The following CSMD3 variants were observed in gnomAD, a reference collection of about 807,000 sequenced individuals.
The protein encoded by CSMD3 is CUB and Sushi multiple domains 3.
In CSMD3, 177 loss-of-function variants were observed where a neutral mutation model predicts 435.2. The ratio of observed to expected loss-of-function variants is 0.41; its 90% CI spans 0.36 to 0.46. CSMD3 has a LOEUF of 0.46. Among genes scored for constraint, CSMD3 ranks in the 20% least tolerant of loss-of-function variants. CSMD3 has a pLI of 0.34. For synonymous variants in CSMD3, 1,656 were observed against 1,520.5 expected (o/e 1.09, Z -2.07); for missense variants, 4,265 against 4,504.6 (o/e 0.95, Z 1.52).
intron 32 of CSMD3, among the ~76,000 whole-genome samples, chr8:112,445,125 C>A (rs1399962692): frequency 6.6e-6 from 1 of 151,990 alleles, no homozygotes; most frequent in African/African-American, 2.4e-5. Context: ...TGCCTGTAAT[C>A]CCAGCTACTC....
rs867015314 is a variant in CSMD3, at chr8:113,055,641, G to A, written c.918-36462C>T. On this transcript the variant is annotated intron_variant, in intron 5 of 70. Transcript: ENST00000297405. ...ATGTTAAAATCATTTTCTACATTCTGGTTTACTGCAAAAACAGAAAATATT... is the reference window on the plus strand; with the variant it reads ...ATGTTAAAATCATTTTCTACATTCTAGTTTACTGCAAAAACAGAAAATATT... Among the ~76,000 whole-genome samples, 6 of 152,138 alleles carry A rather than the reference G, an allele frequency of 3.9e-5. No individual in the cohort carries two copies. The South Asian group carries it at 1.2e-3, about 32-fold the overall frequency.
rs191141408 is a variant in CSMD3 at position 113,172,650 on chromosome 8, A to G, written c.709+1072T>C. Among the ~76,000 whole-genome samples the G allele has an allele frequency of 2.0e-5, 3 of 152,338 alleles. 1 individual carries two copies. The highest frequency in any genetic ancestry group is 1.9e-4 in the East Asian group (1 of 5,188). On this transcript the variant is annotated intron_variant, in intron 4 of 70. Coordinates refer to ENST00000297405, the MANE Select transcript of CSMD3 (RefSeq NM_198123.2). ...AACTGATTTTCCTGAGGTAACTCAC[A>G]TGGCAATTGACAAAGCTGGGATAAG...
At chr8:112,469,052 G>A (rs531555823) in intron 32 of CSMD3, among the ~76,000 whole-genome samples, 5 of 149,222 alleles carry the variant, frequency 3.4e-5, no homozygotes, top group South Asian at 4.2e-4. Flanking sequence ...CCAGTAAAGC[G>A]AAGTAATATT....
At chr8:112,838,819 T>C (rs112043132) in intron 11 of CSMD3, among the ~76,000 whole-genome samples, 4,915 of 151,828 alleles carry the variant, frequency 0.032, 100 homozygotes, top group African/African-American at 0.049. Context: ...GTTTAAGTAA[T>C]AATCATCCTA....
chr8:112,948,881 A>C (rs1219173918), intron 8 of CSMD3, among the ~76,000 whole-genome samples: 1 of 152,106 alleles, frequency 6.6e-6, no homozygotes, highest in East Asian at 1.9e-4. Flanking sequence ...AATCTATGGT[A>C]GGACTCTGGC....
At chr8:113,421,259 A>G (rs2094607571) in intron 1 of CSMD3, among the ~76,000 whole-genome samples, 1 of 152,198 alleles carries the variant, frequency 6.6e-6, no homozygotes, top group Non-Finnish European at 1.5e-5. Context: ...TTGTCCCAAG[A>G]TAATTGCACT....
intron 3 of CSMD3, among the ~76,000 whole-genome samples, chr8:113,255,152 TAAAC>T (rs2093368812): frequency 1.3e-5 from 2 of 152,214 alleles, no homozygotes; most frequent in African/African-American, 2.4e-5. Context: ...CTCCAAATAA[TAAAC>T]AATAATATTA....
intron 13 of CSMD3, among the ~76,000 whole-genome samples, chr8:112,704,080 G>C (rs2076447750): frequency 6.6e-6 from 1 of 152,026 alleles, no homozygotes; most frequent in Non-Finnish European, 1.5e-5. Flanking sequence ...GCAGCTAGTA[G>C]TTAAATCATG....
At chr8:113,345,873 G>T (rs948184966) in intron 1 of CSMD3, among the ~76,000 whole-genome samples, 1 of 151,864 alleles carries the variant, frequency 6.6e-6, no homozygotes, top group Non-Finnish European at 1.5e-5. Flanking sequence ...CACACACCCC[G>T]GCTCCAGAAC....
At chr8:113,010,060 A>G (rs2131120520) in intron 6 of CSMD3, among the ~76,000 whole-genome samples, 1 of 151,822 alleles carries the variant, frequency 6.6e-6, no homozygotes, top group South Asian at 2.1e-4. Flanking sequence ...AGATACTTGT[A>G]ATTAAGTGGT....
rs1206712524 is a variant in CSMD3 at position 112,262,095 on chromosome 8, C to T, written c.9862+1544G>A. On this transcript the variant is annotated intron_variant, in intron 61 of 70. Transcript: ENST00000297405. Reference sequence around the variant, plus strand: ...TCTTGCTTAAGAAATTCCTTCTAAACCTGAGGTCATTTAGATAGATTCTAA... The same window carrying T: ...TCTTGCTTAAGAAATTCCTTCTAAATCTGAGGTCATTTAGATAGATTCTAA... 2.6e-5 allele frequency among the ~76,000 whole-genome samples: 4 copies of T among 152,026 alleles called. No homozygotes were observed. The East Asian group carries it at 7.7e-4, about 29-fold the overall frequency.
In CSMD3 at chr8:112,244,486, G is replaced by A. The variant is rs1270003607; in HGVS notation, c.10310C>T (p.Thr3437Ile). Residue 3437 changes from threonine (T) to isoleucine (I), a missense_variant, in exon 65 of 71, where the codon ACC becomes ATC. By Grantham distance (89) the Thr-to-Ile change is moderately conservative (BLOSUM62 -1). Transcript: ENST00000297405. ...LPSHGYTLIYTCQPGFFLAGG... is the reference protein window; with the variant it reads ...LPSHGYTLIYICQPGFFLAGG... ...TGCTAAGAAGAAGCCAGGCTGACAG[G>A]TATAAATCAGTGTATACCCATGAGA... 1 of 1,613,596 alleles carries A rather than the reference G, an allele frequency of 6.2e-7. No individual in the cohort carries two copies. Among genetic ancestry groups the A allele is most frequent in the South Asian group, 1.1e-5 (1 of 91,078 alleles).
At chr8:112,367,161 A>G (rs992619228) in intron 38 of CSMD3, among the ~76,000 whole-genome samples, 1 of 152,120 alleles carries the variant, frequency 6.6e-6, no homozygotes, top group African/African-American at 2.4e-5. Flanking sequence ...ATATATGTAT[A>G]TAATAAATGT....
chr8:113,289,013 A>G (rs189615537), intron 2 of CSMD3, among the ~76,000 whole-genome samples: 45 of 151,920 alleles, frequency 3.0e-4, no homozygotes, highest in Admixed American at 7.9e-4. Context: ...TCATTCAGTG[A>G]TAACTCTGGA....
chr8:112,815,222 C>T (rs577771384), intron 12 of CSMD3, among the ~76,000 whole-genome samples: 65 of 151,892 alleles, frequency 4.3e-4, no homozygotes, highest in Non-Finnish European at 8.2e-4. Context: ...AATAATGGGA[C>T]AATATAAATG....
intron 22 of CSMD3, among the ~76,000 whole-genome samples, chr8:112,599,582 C>T (rs1055099589): frequency 6.6e-5 from 10 of 150,810 alleles, no homozygotes; most frequent in East Asian, 3.9e-4. Flanking sequence ...ATGTTTATTG[C>T]GGCATTATTC....
intron 56 of CSMD3, 35 bp downstream of exon 56, chr8:112,291,475 A>G (rs1313597030): frequency 7.2e-7 from 1 of 1,387,236 alleles, no homozygotes; most frequent in Admixed American, 1.7e-5. Context: ...TTTCCATGAC[A>G]TGTTCTCAAG....
chr8:112,711,259 C>T (rs2076604050), intron 13 of CSMD3, among the ~76,000 whole-genome samples: 1 of 151,742 alleles, frequency 6.6e-6, no homozygotes, highest in Non-Finnish European at 1.5e-5. Flanking sequence ...AATTTCAGAC[C>T]TCATGAAGAG....
intron 22 of CSMD3, among the ~76,000 whole-genome samples, chr8:112,635,231 T>C (rs2074624683): frequency 2.0e-5 from 3 of 152,060 alleles, no homozygotes; most frequent in African/African-American, 4.8e-5. Context: ...AGGTGTCTGA[T>C]TTATATGACT....
Sources: gnomAD v4.1 joint callset for allele counts (sites outside exome capture counted in the v4.1 genomes callset) on GRCh38, gnomAD v4.1.1 for gene constraint, MANE v1.5 for transcripts, NCBI Gene and HGNC (gene_info 2026-07-23, HGNC 2026-07-21) for gene names.